Variants in CHFR observed in about 807,000 individuals in gnomAD.
CHFR encodes the protein checkpoint with forkhead and ring finger domains, also known as E3 ubiquitin-protein ligase CHFR.
In CHFR, 57 loss-of-function variants were observed where a neutral mutation model predicts 87.6. That is an observed-to-expected ratio of 0.65 (90% CI 0.53 to 0.81). CHFR has a LOEUF of 0.81. Ranked by LOEUF, CHFR falls within the 30% of genes least tolerant of loss-of-function variation. CHFR has a pLI of 0.00. For synonymous variants in CHFR, 381 were observed against 359.2 expected (o/e 1.06, Z -0.69); for missense variants, 797 against 865.8 (o/e 0.92, Z 1.00).
intron 1 of CHFR, 55 bp from the exon 2 acceptor site, chr12:132,887,395 C>G (rs1244962555): frequency 1.6e-5 from 20 of 1,213,058 alleles, no homozygotes; most frequent in Non-Finnish European, 1.0e-5. Flanking sequence ...GGCCGAGACT[C>G]GGCGCCCGCC....
rs150920425 is a variant in CHFR at position 132,851,648 on chromosome 12, C to T, written c.1462G>A (p.Glu488Lys). The T allele has an allele frequency of 5.1e-5, 82 of 1,612,832 alleles. No homozygotes were observed. In the African/African-American group the frequency reaches 8.5e-4, roughly 17 times the overall value. Residue 488 changes from glutamate (E) to lysine (K), a missense_variant, in exon 12 of 18, where the codon GAG becomes AAG. Coordinates refer to ENST00000450056, the MANE Select transcript of CHFR (RefSeq NM_001161346.2). ...QPMPDRRAER[E>K]QDPRVAPQQC... The stretch of plus-strand genomic sequence containing the variant: ...TGAGGGGCGACACGCGGGTCCTGCT[C>T]GCGCTCCGCTCTCCGGTCGGGCATG...
rs115684143 is a variant in CHFR, at chr12:132,844,122, G to A, written c.1748C>T (p.Thr583Met). 72 of 1,611,350 alleles carry A rather than the reference G, an allele frequency of 4.5e-5. No homozygotes were observed. The East Asian group carries it at 6.7e-4, about 15-fold the overall frequency. Residue 583 changes from threonine (T) to methionine (M), a missense_variant, in exon 16 of 18, where the codon ACG becomes ATG. Around this residue, in one of 2 missense-constraint regions of CHFR, gnomAD observed 200 missense variants for 264.6 expected, o/e 0.76. Coordinates refer to ENST00000450056, the MANE Select transcript of CHFR (RefSeq NM_001161346.2). ...GCAGTAACACAGAACGGTGTCTCCC[G>A]TGACTCTGTAATCTGGAAGAAACAC... is the stretch of plus-strand genomic sequence containing the variant. ...GVFLLSDYRV[T>M]GDTVLCYCCG...
At chr12:132,846,263 C>CTT (rs10573381) in intron 15 of CHFR, among the ~76,000 whole-genome samples, 50,645 of 127,228 alleles carry the variant, frequency 0.4, 10,856 homozygotes, top group Non-Finnish European at 0.49. Context: ...GCTTAACTGT[C>CTT]TTTTTTTTTT....
Position 132,853,512 on chromosome 12 carries a change from G to T in CHFR, c.1291C>A (p.His431Asn). The T allele has an allele frequency of 6.5e-7, 1 of 1,533,004 alleles. No individual in the cohort carries two copies. 95.0% of individuals were successfully genotyped at this position (1,533,004 alleles called of 1,614,324 possible). ...GGCTCGCCCTCGGGTGCTGGGCAGT[G>T]GGGAGGCTGCGCCGCCTGCCTTCTG... The part of the protein sequence containing the change: ...EYRRQAAQPP[H>N]CPAPEGEPGA... The change falls in exon 11 of 18, where the codon CAC becomes AAC. Residue 431 changes from histidine to asparagine, a missense_variant. By Grantham distance (68) the His-to-Asn change is moderately conservative. Transcript: ENST00000450056.
Position 132,843,044 on chromosome 12 carries a change from T to G in CHFR, c.1883A>C (p.Asn628Thr), listed in dbSNP as rs1950735266. 1 of 1,613,348 alleles carries G rather than the reference T, an allele frequency of 6.2e-7. No homozygotes were observed. Among genetic ancestry groups the G allele is most frequent in the Non-Finnish European group, 8.5e-7 (1 of 1,179,816 alleles). Residue 628 changes from asparagine (N) to threonine (T), a missense_variant, in exon 17 of 18, where the codon AAC becomes ACC. Physicochemically the swap from Asn to Thr is moderately conservative, Grantham distance 65. Transcript: ENST00000450056. ...GTGAGCTTTCACCTGAGTGCGGCAG[T>G]TACGGCCCCAGTAGCAGTCAGGACG... is the stretch of plus-strand genomic sequence containing the variant. ...TSRPDCYWGRNCRTQVKAHHA... is the reference protein window; with the variant it reads ...TSRPDCYWGRTCRTQVKAHHA...
chr12:132,873,713 G>C (rs1250712957), intron 3 of CHFR, among the ~76,000 whole-genome samples: 1 of 151,812 alleles, frequency 6.6e-6, no homozygotes, highest in African/African-American at 2.4e-5. Flanking sequence ...GTGTCCTCCT[G>C]CTCCACAGGG....
chr12:132,848,025 GC>G, intron 14 of CHFR, 59 bp downstream of exon 14: 1 of 1,612,392 alleles, frequency 6.2e-7, no homozygotes, highest in Non-Finnish European at 8.5e-7. Context: ...CAGAGAACCA[GC>G]TGGCTGCACT....
intron 3 of CHFR, among the ~76,000 whole-genome samples, chr12:132,873,525 G>A (rs1204517133): frequency 6.6e-6 from 1 of 152,126 alleles, no homozygotes; most frequent in Non-Finnish European, 1.5e-5. Context: ...GACTTTCTGT[G>A]TCCTCCTGCT....
intron 14 of CHFR, chr12:132,847,844 G>A (rs536074141): frequency 2.1e-5 from 28 of 1,358,100 alleles, no homozygotes; most frequent in South Asian, 1.9e-4. Flanking sequence ...CGGCTCCTAC[G>A]AATTGGTGGC....
chr12:132,842,662 G>A (rs995300291), intron 17 of CHFR, among the ~76,000 whole-genome samples: 2 of 152,224 alleles, frequency 1.3e-5, no homozygotes, highest in African/African-American at 2.4e-5. Flanking sequence ...GCCTGCTCAC[G>A]GGACGGACGA....
At position 132,832,597 on chromosome 12, in the gene CHFR, C is replaced by CTT. The variant is rs1236776503; in HGVS notation, c.*8955_*8956dup. The stretch of plus-strand genomic sequence containing the variant: ...CAAGGTACTCCATAAATATATACAC[C>CTT]TTTTATGTACCCACAGTAATTTAAA... On this transcript the variant is annotated 3_prime_UTR_variant, in exon 18 of 18. Transcript: ENST00000450056. 6.6e-6 allele frequency: 1 copy of CTT among 151,910 alleles called. No homozygotes were observed. The highest frequency in any genetic ancestry group is 2.4e-5 in the African/African-American group (1 of 41,320). 9.4% of individuals were successfully genotyped at this position (151,910 alleles called of 1,614,324 possible). A position where few individuals can be genotyped will look rare whatever the true frequency, so the allele number is the denominator to read the frequency against.
At position 132,841,485 on chromosome 12, in the gene CHFR, T is replaced by G; in HGVS notation, c.*69A>C. On this transcript the variant is annotated 3_prime_UTR_variant, in exon 18 of 18. Transcript: ENST00000450056. Reference sequence around the variant, plus strand: ...GGCTGTGAAAACACCTTGACGTGCTTGTCTCTGTATTTTAAAAACACGCTC... The same window carrying G: ...GGCTGTGAAAACACCTTGACGTGCTGGTCTCTGTATTTTAAAAACACGCTC... 1 of 1,377,606 alleles carries G rather than the reference T, an allele frequency of 7.3e-7. No homozygotes were observed. The highest frequency in any genetic ancestry group is 1.2e-5 in the South Asian group (1 of 86,164). The allele number at this position is 1,377,606 out of a possible 1,614,324, so 85.3% of individuals were successfully genotyped here.
At chr12:132,851,539 T>G in intron 12 of CHFR, 79 bp downstream of exon 12, 1 of 1,459,952 alleles carries the variant, frequency 6.8e-7, no homozygotes. Context: ...CAGGTTACCC[T>G]AAGGCCAACA....
chr12:132,861,773 AG>A, intron 6 of CHFR, 139 bp from the exon 7 acceptor site: 1 of 717,112 alleles, frequency 1.4e-6, no homozygotes, highest in Non-Finnish European at 2.3e-6. Context: ...GTGGCTTACG[AG>A]GAGTGTGTGC....
intron 12 of CHFR, chr12:132,849,648 T>G: frequency 6.7e-6 from 1 of 149,990 alleles, no homozygotes; most frequent in South Asian, 2.1e-4. Context: ...TAGGCTGGAG[T>G]ATAGTGGAGC....
At chr12:132,847,516 A>G (rs1376680464) in intron 14 of CHFR, 4 of 1,084,426 alleles carry the variant, frequency 3.7e-6, no homozygotes, top group Non-Finnish European at 4.5e-6. Flanking sequence ...AACACACACG[A>G]GCTGTTGAGC....
chr12:132,873,531 C>T (rs1228823815), intron 3 of CHFR, among the ~76,000 whole-genome samples: 1 of 152,140 alleles, frequency 6.6e-6, no homozygotes, highest in African/African-American at 2.4e-5. Flanking sequence ...CTGTGTCCTC[C>T]TGCTCCACAG....
chr12:132,878,591 G>A lies in CHFR; in HGVS notation c.134-937C>T, dbSNP rs553722649. 3.2e-4 allele frequency among the ~76,000 whole-genome samples: 48 copies of A among 151,624 alleles called. No homozygotes were observed. The South Asian group carries it at 6.5e-3, about 20-fold the overall frequency. On this transcript the variant is annotated intron_variant, in intron 2 of 17. Transcript: ENST00000450056. ...TAGGTCCGGTGGCTCACACCGAGGC[G>A]GGCAGATCACAAGGTCAGGAGATCG...
intron 17 of CHFR, among the ~76,000 whole-genome samples, chr12:132,842,605 C>T (rs1485462134): frequency 6.6e-6 from 1 of 152,184 alleles, no homozygotes; most frequent in Non-Finnish European, 1.5e-5. Flanking sequence ...TTAAGGAGCA[C>T]GGGAAAGACA....
Sources: allele counts gnomAD v4.1 joint callset (sites outside exome capture counted in the v4.1 genomes callset), GRCh38; gene constraint gnomAD v4.1.1; regional missense constraint gnomAD v4.1.1; transcripts MANE v1.5; gene names NCBI Gene and HGNC (gene_info 2026-07-23, HGNC 2026-07-21).